ENOX1: variants seen among roughly 807,000 people sequenced by gnomAD.
ENOX1 encodes the protein candidate growth-related and time keeping constitutive hydroquinone (NADH) oxidase.
In ENOX1, 42 loss-of-function variants were observed where a neutral mutation model predicts 82.5. That is an observed-to-expected ratio of 0.51 (90% CI 0.40 to 0.66). The LOEUF is 0.66. Among genes scored for constraint, ENOX1 ranks in the 30% least tolerant of loss-of-function variants. The pLI, the probability that ENOX1 is intolerant of heterozygous loss-of-function variation, is 0.00. For synonymous variants in ENOX1, 271 were observed against 282.2 expected (o/e 0.96, Z 0.40); for missense variants, 608 against 811.6 (o/e 0.75, Z 3.05).
chr13:43,549,388 AAAT>A (rs1326921491), intron 2 of ENOX1, among the ~76,000 whole-genome samples: 23 of 152,252 alleles, frequency 1.5e-4, no homozygotes, highest in Admixed American at 1.5e-3. Flanking sequence ...AAGAATAGCA[AAAT>A]AACAACTGCT....
intron 2 of ENOX1, among the ~76,000 whole-genome samples, chr13:43,533,079 C>A (rs997227260): frequency 6.6e-6 from 1 of 151,956 alleles, no homozygotes; most frequent in Admixed American, 6.6e-5. Flanking sequence ...CATGGACATG[C>A]CTTAATTTAT....
intron 1 of ENOX1, among the ~76,000 whole-genome samples, chr13:43,684,222 G>GC (rs1018380195): frequency 1.3e-5 from 2 of 151,008 alleles, no homozygotes; most frequent in African/African-American, 2.4e-5. Flanking sequence ...TTGTCTTATT[G>GC]CCCCTTTAAA....
chr13:43,548,292 C>T (rs911708436), intron 2 of ENOX1, among the ~76,000 whole-genome samples: 1 of 152,090 alleles, frequency 6.6e-6, no homozygotes, highest in African/African-American at 2.4e-5. Context: ...TCCAAAGAAA[C>T]CTTTCTTAGA....
intron 2 of ENOX1, among the ~76,000 whole-genome samples, chr13:43,517,744 A>T (rs1361350590): frequency 6.6e-6 from 1 of 152,132 alleles, no homozygotes; most frequent in Admixed American, 6.6e-5. Context: ...CTCCAAGGTG[A>T]TGTTATTCAG....
intron 3 of ENOX1, among the ~76,000 whole-genome samples, chr13:43,479,083 A>G (rs568272313): frequency 6.6e-6 from 1 of 151,598 alleles, no homozygotes; most frequent in African/African-American, 2.4e-5. Flanking sequence ...TCATTTCCCC[A>G]TACTCCGCAT....
At chr13:43,337,569 G>A (rs910556547) in intron 9 of ENOX1, among the ~76,000 whole-genome samples, 10 of 152,222 alleles carry the variant, frequency 6.6e-5, no homozygotes, top group Non-Finnish European at 1.3e-4. Flanking sequence ...TCAGGCAAAG[G>A]AAACAGCACA....
intron 14 of ENOX1, among the ~76,000 whole-genome samples, chr13:43,237,883 A>T (rs2042626407): frequency 6.6e-6 from 1 of 152,202 alleles, no homozygotes; most frequent in South Asian, 2.1e-4. Flanking sequence ...CCACTTTGTA[A>T]TCCAGGGGTA....
At chr13:43,568,781 A>C (rs2080037730) in intron 2 of ENOX1, among the ~76,000 whole-genome samples, 1 of 151,598 alleles carries the variant, frequency 6.6e-6, no homozygotes, top group South Asian at 2.1e-4. Context: ...TCATCCCCAC[A>C]TTTGAAACTC....
chr13:43,470,378 A>AGTGTG (rs1566308238), intron 3 of ENOX1, among the ~76,000 whole-genome samples: 1,044 of 35,628 alleles, frequency 0.029, 290 homozygotes, highest in Non-Finnish European at 0.062. Flanking sequence ...ATATATATAC[A>AGTGTG]TATATATACG....
intron 2 of ENOX1, among the ~76,000 whole-genome samples, chr13:43,577,505 G>A (rs2080494958): frequency 6.6e-6 from 1 of 152,204 alleles, no homozygotes; most frequent in Admixed American, 6.5e-5. Context: ...GGCACCTTAT[G>A]GCTGTATTCC....
intron 8 of ENOX1, among the ~76,000 whole-genome samples, chr13:43,350,911 T>A (rs955427674): frequency 1.3e-5 from 2 of 152,276 alleles, no homozygotes; most frequent in Non-Finnish European, 2.9e-5. Flanking sequence ...GAGACAGGGA[T>A]TTTATGTTTG....
intron 9 of ENOX1, among the ~76,000 whole-genome samples, chr13:43,328,046 G>A (rs570461293): frequency 6.6e-6 from 1 of 152,270 alleles, no homozygotes; most frequent in South Asian, 2.1e-4. Flanking sequence ...AGGAGGATTT[G>A]CCTTCAATTT....
intron 5 of ENOX1, among the ~76,000 whole-genome samples, chr13:43,400,889 C>T (rs1293227850): frequency 6.6e-6 from 1 of 152,200 alleles, no homozygotes; most frequent in East Asian, 1.9e-4. Context: ...TTGCTTTAAT[C>T]ATTTGCCCCC....
At chr13:43,332,581 G>A (rs1404246155) in intron 9 of ENOX1, among the ~76,000 whole-genome samples, 1 of 152,164 alleles carries the variant, frequency 6.6e-6, no homozygotes, top group African/African-American at 2.4e-5. Context: ...TTTCAAGCAA[G>A]CAAGAAATGA....
chr13:43,218,866 G>A (rs901322562), intron 16 of ENOX1, among the ~76,000 whole-genome samples: 1 of 152,106 alleles, frequency 6.6e-6, no homozygotes, highest in Non-Finnish European at 1.5e-5. Flanking sequence ...TATGGCCAAA[G>A]AATTTTTACT....
chr13:43,689,516 T>A (rs565228117), intron 1 of ENOX1, among the ~76,000 whole-genome samples: 1 of 152,314 alleles, frequency 6.6e-6, no homozygotes, highest in Non-Finnish European at 1.5e-5. Context: ...GATATTTAGA[T>A]GAAAAATAAG....
chr13:43,347,060 T>A (rs2153547643), intron 8 of ENOX1, among the ~76,000 whole-genome samples: 1 of 152,234 alleles, frequency 6.6e-6, no homozygotes, highest in East Asian at 1.9e-4. Context: ...ATACAGGTAG[T>A]TTTTCCTTCT....
At chr13:43,436,103 A>T (rs1305488584) in intron 3 of ENOX1, among the ~76,000 whole-genome samples, 1 of 152,214 alleles carries the variant, frequency 6.6e-6, no homozygotes, top group Non-Finnish European at 1.5e-5. Flanking sequence ...TTCAGATTAT[A>T]TTGGTCTCTG....
At chr13:43,535,131 T>TAC (rs1454072677) in intron 2 of ENOX1, among the ~76,000 whole-genome samples, 1 of 152,174 alleles carries the variant, frequency 6.6e-6, no homozygotes, top group East Asian at 1.9e-4. Flanking sequence ...TCATAGAGAT[T>TAC]ACACTACAGA....
Sources: allele counts gnomAD v4.1 joint callset (sites outside exome capture counted in the v4.1 genomes callset), GRCh38; gene constraint gnomAD v4.1.1; transcripts MANE v1.5; gene names NCBI Gene and HGNC (gene_info 2026-07-23, HGNC 2026-07-21).